Variants in HTR1F observed in about 807,000 individuals in gnomAD.
HTR1F encodes the protein 5-hydroxytryptamine receptor 1F.
In HTR1F, 17 loss-of-function variants were observed where a neutral mutation model predicts 24.0. The observed-to-expected ratio is 0.71, with a 90% CI of 0.48 to 1.06. HTR1F has a LOEUF of 1.06. Ranked by LOEUF, HTR1F falls within the 50% of genes least tolerant of loss-of-function variation. The probability of loss-of-function intolerance (pLI) is 0.00; values close to 1 mark genes in which losing one functional copy is unlikely to be tolerated. For synonymous variants in HTR1F, 186 were observed against 156.8 expected (o/e 1.19, Z -1.39); for missense variants, 391 against 427.8 (o/e 0.91, Z 0.76).
At chr3:87,973,464 T>C (rs1705329722) in intron 2 of HTR1F, among the ~76,000 whole-genome samples, 1 of 152,204 alleles carries the variant, frequency 6.6e-6, no homozygotes, top group Admixed American at 6.5e-5. Context: ...CTAGCTTAAA[T>C]TTAAAACTCC....
chr3:87,919,899 C>G (rs775902932), intron 2 of HTR1F, among the ~76,000 whole-genome samples: 1 of 151,432 alleles, frequency 6.6e-6, no homozygotes, highest in South Asian at 2.1e-4. Context: ...AGTCATTACA[C>G]GAAAAAAATA....
chr3:87,951,225 T>C (rs775710623), intron 2 of HTR1F, among the ~76,000 whole-genome samples: 6 of 152,162 alleles, frequency 3.9e-5, no homozygotes, highest in Non-Finnish European at 7.4e-5. Context: ...CTATCAAAGA[T>C]GTCAAGCATA....
chr3:87,827,111 TTTTC>T (rs1359785057), intron 2 of HTR1F, among the ~76,000 whole-genome samples: 5 of 151,604 alleles, frequency 3.3e-5, no homozygotes, highest in South Asian at 2.1e-4. Context: ...ACTATCATTA[TTTTC>T]TTTCTTTCTT....
chr3:87,880,028 C>A (rs1353753050), intron 2 of HTR1F, among the ~76,000 whole-genome samples: 1 of 151,922 alleles, frequency 6.6e-6, no homozygotes, highest in Non-Finnish European at 1.5e-5. Flanking sequence ...AGTTAAGGCT[C>A]AATAAAATGA....
At chr3:87,858,056 A>G (rs913986676) in intron 2 of HTR1F, among the ~76,000 whole-genome samples, 2 of 152,158 alleles carry the variant, frequency 1.3e-5, no homozygotes, top group Admixed American at 1.3e-4. Flanking sequence ...GCAACAGTAA[A>G]AGGAGAAAGC....
At chr3:87,958,136 G>A (rs1397506102) in intron 2 of HTR1F, among the ~76,000 whole-genome samples, 3 of 151,250 alleles carry the variant, frequency 2.0e-5, no homozygotes. Flanking sequence ...TTGGAGTCAT[G>A]GATTATTTAG....
In HTR1F at chr3:87,847,838, C is replaced by G. The variant is rs546634258; in HGVS notation, c.-43+25714C>G. 7.2e-5 allele frequency among the ~76,000 whole-genome samples: 11 copies of G among 151,908 alleles called. 2 individuals are homozygous for G. Among genetic ancestry groups the G allele is most frequent in the African/African-American group, 2.7e-4 (11 of 41,298 alleles). Reference sequence around the variant, plus strand: ...GGTTATTCCACTTACACATAATGACCTTCAGTTCTATTCATATTGCTGCAC... The same window carrying G: ...GGTTATTCCACTTACACATAATGACGTTCAGTTCTATTCATATTGCTGCAC... On this transcript the variant is annotated intron_variant, in intron 2 of 2. Transcript: ENST00000319595.
At chr3:87,944,434 T>C (rs1704646227) in intron 2 of HTR1F, among the ~76,000 whole-genome samples, 1 of 152,148 alleles carries the variant, frequency 6.6e-6, no homozygotes, top group South Asian at 2.1e-4. Context: ...CTAACTCTGC[T>C]TCCACAAGAG....
chr3:87,911,843 A>G (rs1308548148), intron 2 of HTR1F, among the ~76,000 whole-genome samples: 1 of 152,186 alleles, frequency 6.6e-6, no homozygotes, highest in African/African-American at 2.4e-5. Context: ...AGATGCAGAG[A>G]AGGCTTTCAA....
At chr3:87,839,605 T>C (rs1420818603) in intron 2 of HTR1F, among the ~76,000 whole-genome samples, 1 of 152,108 alleles carries the variant, frequency 6.6e-6, no homozygotes, top group African/African-American at 2.4e-5. Flanking sequence ...GAATTTTTTG[T>C]TTGTTTTTTT....
chr3:87,960,382 T>C (rs1393529867), intron 2 of HTR1F, among the ~76,000 whole-genome samples: 3 of 152,022 alleles, frequency 2.0e-5, no homozygotes, highest in Non-Finnish European at 4.4e-5. Flanking sequence ...AATCATTGCT[T>C]CCTTAGACAG....
chr3:87,938,130 T>C lies in HTR1F; in HGVS notation c.-42-52578T>C, dbSNP rs116460317. Among the ~76,000 whole-genome samples, 1,145 of 152,014 alleles carry C rather than the reference T, an allele frequency of 7.5e-3. 22 individuals carry two copies. The highest frequency in any genetic ancestry group is 0.026 in the African/African-American group (1,076 of 41,440). ...ATCAATGTGAAAAAAGTAACTAACA[T>C]TCCTATACACCAACAACAGGCAAGC... On this transcript the variant is annotated intron_variant, in intron 2 of 2. Coordinates refer to ENST00000319595, the MANE Select transcript of HTR1F (RefSeq NM_001322209.2).
intron 2 of HTR1F, among the ~76,000 whole-genome samples, chr3:87,900,855 T>C (rs908871312): frequency 6.6e-6 from 1 of 152,154 alleles, no homozygotes; most frequent in Non-Finnish European, 1.5e-5. Context: ...ACATGTTACA[T>C]TTGAGATGCG....
chr3:87,800,684 G>A (rs1251087328), intron 1 of HTR1F, among the ~76,000 whole-genome samples: 1 of 152,188 alleles, frequency 6.6e-6, no homozygotes, highest in African/African-American at 2.4e-5. Flanking sequence ...GGAAACTTCT[G>A]TGACTCTTGT....
intron 2 of HTR1F, among the ~76,000 whole-genome samples, chr3:87,931,863 T>C (rs1704281713): frequency 6.6e-6 from 1 of 150,640 alleles, no homozygotes; most frequent in Non-Finnish European, 1.5e-5. Context: ...GAAGTGTCTG[T>C]TCATATCCTT....
intron 2 of HTR1F, among the ~76,000 whole-genome samples, chr3:87,877,309 G>A (rs1705692018): frequency 1.3e-5 from 2 of 152,094 alleles, no homozygotes; most frequent in African/African-American, 4.8e-5. Context: ...TGCCTGAGTT[G>A]TCTAGCCTGT....
chr3:87,863,216 T>G (rs1705355277), intron 2 of HTR1F, among the ~76,000 whole-genome samples: 3 of 152,190 alleles, frequency 2.0e-5, no homozygotes, highest in South Asian at 2.1e-4. Context: ...ATACCCTCAC[T>G]TGCTTTGAGT....
chr3:87,979,694 T>C (rs1705499248), intron 2 of HTR1F, among the ~76,000 whole-genome samples: 1 of 152,204 alleles, frequency 6.6e-6, no homozygotes, highest in African/African-American at 2.4e-5. Context: ...GCTCTCAGTT[T>C]GGCTGCCAGC....
chr3:87,901,468 G>A (rs1422765795), intron 2 of HTR1F, among the ~76,000 whole-genome samples: 1 of 152,060 alleles, frequency 6.6e-6, no homozygotes, highest in African/African-American at 2.4e-5. Flanking sequence ...CTGGGACTTC[G>A]AGCCTCCAGG....
Sources: allele counts gnomAD v4.1 joint callset (sites outside exome capture counted in the v4.1 genomes callset), GRCh38; gene constraint gnomAD v4.1.1; transcripts MANE v1.5; gene names NCBI Gene and HGNC (gene_info 2026-07-23, HGNC 2026-07-21).